Variants in KHDRBS1 observed in about 807,000 individuals in gnomAD.
KHDRBS1 encodes KH domain-containing, RNA-binding, signal transduction-associated protein 1.
In KHDRBS1, 7 loss-of-function variants were observed where a neutral mutation model predicts 48.4. That is an observed-to-expected ratio of 0.14 (90% CI 0.08 to 0.27). The LOEUF (loss-of-function observed/expected upper bound fraction) is 0.27. Ranked by LOEUF, KHDRBS1 falls within the 10% of genes least tolerant of loss-of-function variation. The pLI, the probability that KHDRBS1 is intolerant of heterozygous loss-of-function variation, is 1.00. For missense variants in KHDRBS1, 458 were observed against 601.2 expected (o/e 0.76, Z 2.49); for synonymous variants, 241 against 235.8 (o/e 1.02, Z -0.20).
chr1:32,032,333 A>AT (rs1491418046), intron 3 of KHDRBS1, among the ~76,000 whole-genome samples: 2 of 152,158 alleles, frequency 1.3e-5, no homozygotes, highest in East Asian at 3.9e-4. Flanking sequence ...TAATGGACAC[A>AT]TGTTTGTTTT....
chr1:32,025,354 GC>G (rs1236319765), intron 1 of KHDRBS1, among the ~76,000 whole-genome samples: 1 of 134,184 alleles, frequency 7.5e-6, no homozygotes, highest in Non-Finnish European at 1.5e-5. Context: ...AGGCTAGAGT[GC>G]AGTGGCACGA....
intron 3 of KHDRBS1, 96 bp from the exon 4 acceptor site, chr1:32,033,092 C>T (rs1204792331): frequency 1.0e-5 from 9 of 868,916 alleles, no homozygotes; most frequent in Non-Finnish European, 1.7e-5. Flanking sequence ...TTTTCATGGA[C>T]ATTAGGGGTA....
intron 10 of KHDRBS1, among the ~76,000 whole-genome samples, chr1:32,050,695 A>G (rs1283631477): frequency 6.6e-6 from 1 of 151,338 alleles, no homozygotes; most frequent in Non-Finnish European, 1.5e-5. Flanking sequence ...TTTATTTTTT[A>G]GTAGAGGCAA....
At chr1:32,026,250 C>T (rs1638968900) in intron 1 of KHDRBS1, among the ~76,000 whole-genome samples, 1 of 152,102 alleles carries the variant, frequency 6.6e-6, no homozygotes, top group Admixed American at 6.6e-5. Flanking sequence ...CTCACTACAG[C>T]CTCCAACTGC....
chr1:32,032,714 TTC>T (rs1244804011), intron 3 of KHDRBS1, among the ~76,000 whole-genome samples: 4 of 152,130 alleles, frequency 2.6e-5, no homozygotes, highest in African/African-American at 9.7e-5. Flanking sequence ...TTTTTTTTTT[TTC>T]TTGAGAGGGA....
chr1:32,019,533 A>G (rs1316721467), intron 1 of KHDRBS1, among the ~76,000 whole-genome samples: 3 of 152,150 alleles, frequency 2.0e-5, no homozygotes, highest in African/African-American at 7.2e-5. Context: ...CAATCTCAAA[A>G]AAAAACAAAA....
chr1:32,029,441 T>G (rs909748393), intron 1 of KHDRBS1, among the ~76,000 whole-genome samples: 1 of 152,186 alleles, frequency 6.6e-6, no homozygotes, highest in African/African-American at 2.4e-5. Context: ...GCGGATCACC[T>G]GAGGTCGGGA....
chr1:32,014,334 G>T lies in KHDRBS1; in HGVS notation c.339G>T (p.Ser113=). Residue 113 remains serine, a synonymous_variant, in exon 1 of 9, where the codon TCG becomes TCT. Coordinates refer to ENST00000327300, the MANE Select transcript of KHDRBS1 (RefSeq NM_006559.3). ...YLPELMAEKD[S]LDPSFTHAMQ... Reference sequence around the variant, plus strand: ...CCGAACTCATGGCCGAGAAGGACTCGCTCGACCCGTCCTTCACTCACGCCA... The same window carrying T: ...CCGAACTCATGGCCGAGAAGGACTCTCTCGACCCGTCCTTCACTCACGCCA... The T allele has an allele frequency of 1.9e-6, 3 of 1,542,196 alleles. No homozygotes were observed. The highest frequency in any genetic ancestry group is 1.9e-5 in the Admixed American group (1 of 53,116).
rs559862962 is a variant in KHDRBS1, at chr1:32,018,413, A to G, written c.382+4036A>G. Among the ~76,000 whole-genome samples, 10 of 152,072 alleles carry G rather than the reference A, an allele frequency of 6.6e-5. No individual in the cohort carries two copies. The East Asian group carries it at 1.9e-3, about 30-fold the overall frequency. ...GAGACGGAGGTTGCAGTGAGCCAAG[A>G]TCGCACCACTGCACTCCAGCCTGGG... On this transcript the variant is annotated intron_variant, in intron 1 of 8. Coordinates refer to ENST00000327300, the MANE Select transcript of KHDRBS1 (RefSeq NM_006559.3).
intron 1 of KHDRBS1, among the ~76,000 whole-genome samples, chr1:32,027,087 G>A (rs189244105): frequency 5.9e-5 from 9 of 151,532 alleles, no homozygotes; most frequent in East Asian, 3.9e-4. Context: ...GAGCCAACGC[G>A]CCCGGTCTAT....
intron 10 of KHDRBS1, among the ~76,000 whole-genome samples, chr1:32,059,722 T>G (rs1045482168): frequency 3.3e-5 from 5 of 152,134 alleles, no homozygotes; most frequent in African/African-American, 9.7e-5. Flanking sequence ...GAGTTACCAA[T>G]AATAGTGATA....
chr1:32,031,489 G>A (rs746901910), intron 2 of KHDRBS1, 35 bp from the exon 3 acceptor site: 65 of 1,262,554 alleles, frequency 5.1e-5, no homozygotes, highest in Non-Finnish European at 7.0e-5. Context: ...TTATATAGTA[G>A]CATGTATATT....
chr1:32,049,143 C>T (rs370429956), intron 10 of KHDRBS1, among the ~76,000 whole-genome samples: 1 of 151,750 alleles, frequency 6.6e-6, no homozygotes, highest in African/African-American at 2.4e-5. Context: ...CAACTGCAAC[C>T]TCCGCCTCCC....
At chr1:32,052,989 A>T (rs1184871117) in intron 10 of KHDRBS1, among the ~76,000 whole-genome samples, 2 of 151,474 alleles carry the variant, frequency 1.3e-5, no homozygotes, top group African/African-American at 4.8e-5. Context: ...ATCTCTACAA[A>T]AAAAATAAAA....
chr1:32,038,528 A>G (rs1021632790), intron 6 of KHDRBS1, 24 bp from the exon 7 acceptor site: 10 of 1,610,152 alleles, frequency 6.2e-6, no homozygotes, highest in African/African-American at 4.0e-5. Context: ...CTTTTATTTC[A>G]TTTTTTTGTT....
At position 32,038,258 on chromosome 1, in the gene KHDRBS1, TTAATG is replaced by T. The variant is rs1195864250; in HGVS notation, c.1107+225_1107+229del. On this transcript the variant is annotated intron_variant, in intron 6 of 8. Transcript: ENST00000327300. ...GATTAAACAAGAAATAAAATGTACT[TTAATG>T]TAGTATTTTATAATGAATTTCTTAC... 3.5e-5 allele frequency: 25 copies of T among 723,544 alleles called. No individual in the cohort carries two copies. In the East Asian group the frequency reaches 6.3e-4, roughly 18 times the overall value. The allele number at this position is 723,544 out of a possible 1,614,324, so 44.8% of individuals were successfully genotyped here.
chr1:32,033,767 G>A (rs559705022), intron 4 of KHDRBS1, among the ~76,000 whole-genome samples: 2 of 152,290 alleles, frequency 1.3e-5, no homozygotes, highest in African/African-American at 2.4e-5. Context: ...GAAGCTTATA[G>A]CATCTAGTGT....
chr1:32,033,272 C>G lies in KHDRBS1; in HGVS notation c.709C>G (p.Pro237Ala), dbSNP rs1339017974. Residue 237 changes from proline (P) to alanine (A), a missense_variant, in exon 4 of 9, where the codon CCA becomes GCA. Pro to Ala is a conservative substitution (Grantham distance 27). Transcript: ENST00000327300. The part of the protein sequence containing the change: ...LHVFIEVFGP[P>A]CEAYALMAHA... ...TGTCTTCATTGAAGTCTTTGGACCCCCATGTGAGGCTTATGCTCTTATGGC... is the reference window on the plus strand; with the variant it reads ...TGTCTTCATTGAAGTCTTTGGACCCGCATGTGAGGCTTATGCTCTTATGGC... The G allele has an allele frequency of 6.2e-7, 1 of 1,614,110 alleles. No individual in the cohort carries two copies. Among genetic ancestry groups the G allele is most frequent in the Admixed American group, 1.7e-5 (1 of 60,016 alleles).
intron 1 of KHDRBS1, among the ~76,000 whole-genome samples, chr1:32,023,451 C>T (rs77177661): frequency 1.4e-4 from 21 of 152,212 alleles, no homozygotes; most frequent in African/African-American, 4.6e-4. Context: ...ATACAAAATT[C>T]CTGACGCATA....
Sources: gnomAD v4.1 joint callset for allele counts (sites outside exome capture counted in the v4.1 genomes callset) on GRCh38, gnomAD v4.1.1 for gene constraint, MANE v1.5 for transcripts, NCBI Gene and HGNC (gene_info 2026-07-23, HGNC 2026-07-21) for gene names.